KCND2: variants seen among roughly 807,000 people sequenced by gnomAD.
The protein encoded by KCND2 is potassium voltage-gated channel subfamily D member 2, also known as A-type voltage-gated potassium channel KCND2.
In KCND2, 16 loss-of-function variants were observed where a neutral mutation model predicts 54.4. The observed-to-expected ratio is 0.29, with a 90% CI of 0.20 to 0.45. The LOEUF (loss-of-function observed/expected upper bound fraction) is 0.45, where lower values mean the gene tolerates loss of function less well. Ranked by LOEUF, KCND2 falls within the 20% of genes least tolerant of loss-of-function variation. The pLI, the probability that KCND2 is intolerant of heterozygous loss-of-function variation, is 1.00. For synonymous variants in KCND2, 317 were observed against 310.7 expected, an observed-to-expected ratio of 1.02 and a Z score of -0.21; for missense variants, 486 against 824.2, an observed-to-expected ratio of 0.59 and a Z score of 5.02.
At chr7:120,725,821 A>G (rs1792726951) in intron 1 of KCND2, among the ~76,000 whole-genome samples, 1 of 152,156 alleles carries the variant, frequency 6.6e-6, no homozygotes, top group Non-Finnish European at 1.5e-5. Flanking sequence ...TAATTTAATA[A>G]CACCTGTGAA....
chr7:120,597,374 G>A (rs193002909), intron 1 of KCND2, among the ~76,000 whole-genome samples: 1 of 152,086 alleles, frequency 6.6e-6, no homozygotes, highest in Non-Finnish European at 1.5e-5. Context: ...GGAGAAATGG[G>A]TTTAATTTTT....
intron 1 of KCND2, among the ~76,000 whole-genome samples, chr7:120,383,534 GT>G (rs1312094018): frequency 6.6e-6 from 1 of 150,750 alleles, no homozygotes; most frequent in Non-Finnish European, 1.5e-5. Context: ...ATGTTCTAAA[GT>G]TTAGTCAAAA....
intron 1 of KCND2, among the ~76,000 whole-genome samples, chr7:120,660,638 G>A (rs1025079865): frequency 6.6e-6 from 1 of 152,186 alleles, no homozygotes; most frequent in East Asian, 1.9e-4. Flanking sequence ...ATGAATTAAG[G>A]CTTGCTTATG....
intron 1 of KCND2, among the ~76,000 whole-genome samples, chr7:120,525,347 T>A (rs1337178557): frequency 6.6e-6 from 1 of 152,186 alleles, no homozygotes; most frequent in East Asian, 1.9e-4. Flanking sequence ...GCATGCAACT[T>A]ACCCGCTTTG....
chr7:120,538,362 A>G (rs78874049), intron 1 of KCND2, among the ~76,000 whole-genome samples: 1 of 152,208 alleles, frequency 6.6e-6, no homozygotes, highest in African/African-American at 2.4e-5. Context: ...ATAATGAAAA[A>G]GCTTGAAATA....
intron 1 of KCND2, among the ~76,000 whole-genome samples, chr7:120,409,451 ACT>A (rs1405949235): frequency 6.6e-6 from 1 of 151,866 alleles, no homozygotes; most frequent in Non-Finnish European, 1.5e-5. Context: ...CAAATGTTTA[ACT>A]CTATAAGAAG....
chr7:120,716,143 G>A (rs1346805556), intron 1 of KCND2, among the ~76,000 whole-genome samples: 1 of 151,848 alleles, frequency 6.6e-6, no homozygotes, highest in East Asian at 1.9e-4. Context: ...CTTTTGGGAT[G>A]TTTCAATAAG....
chr7:120,320,695 A>T (rs918612467), intron 1 of KCND2, among the ~76,000 whole-genome samples: 33 of 152,108 alleles, frequency 2.2e-4, no homozygotes, highest in Non-Finnish European at 1.5e-5. Flanking sequence ...GAGAGTGAAG[A>T]TGTAGTAAAG....
At chr7:120,482,719 TG>T (rs1284845129) in intron 1 of KCND2, among the ~76,000 whole-genome samples, 1 of 152,118 alleles carries the variant, frequency 6.6e-6, no homozygotes, top group Non-Finnish European at 1.5e-5. Context: ...ACCATGCTCT[TG>T]GATCTCTCAG....
At chr7:120,312,689 T>C (rs1034593907) in intron 1 of KCND2, among the ~76,000 whole-genome samples, 2 of 152,176 alleles carry the variant, frequency 1.3e-5, no homozygotes, top group African/African-American at 4.8e-5. Flanking sequence ...TCAGTAATAG[T>C]TCTAGCTTAG....
intron 1 of KCND2, among the ~76,000 whole-genome samples, chr7:120,490,516 A>C (rs532411169): frequency 1.3e-5 from 2 of 152,130 alleles, no homozygotes; most frequent in Admixed American, 6.6e-5. Context: ...ATATTTTACT[A>C]TATGGACTTT....
At chr7:120,313,741 ATT>A (rs386411129) in intron 1 of KCND2, among the ~76,000 whole-genome samples, 1 of 132,244 alleles carries the variant, frequency 7.6e-6, no homozygotes, top group African/African-American at 2.8e-5. Flanking sequence ...GTCTCCTGGG[ATT>A]TTTTTTTTTT....
intron 1 of KCND2, among the ~76,000 whole-genome samples, chr7:120,696,096 A>G (rs942961185): frequency 1.3e-4 from 20 of 152,348 alleles, no homozygotes; most frequent in African/African-American, 4.6e-4. Flanking sequence ...CAACATTTCT[A>G]TTGCATAAAG....
intron 1 of KCND2, among the ~76,000 whole-genome samples, chr7:120,630,822 T>C (rs111541707): frequency 6.7e-4 from 102 of 152,292 alleles, no homozygotes; most frequent in African/African-American, 2.4e-3. Flanking sequence ...TTTATGTTAA[T>C]GTGAAAATTA....
chr7:120,452,520 G>T (rs888966245), intron 1 of KCND2, among the ~76,000 whole-genome samples: 2 of 152,106 alleles, frequency 1.3e-5, no homozygotes, highest in Non-Finnish European at 2.9e-5. Context: ...GAAGGGGAAG[G>T]GAGCTGGGAA....
intron 1 of KCND2, among the ~76,000 whole-genome samples, chr7:120,278,738 C>T (rs1444098262): frequency 6.6e-6 from 1 of 151,482 alleles, no homozygotes; most frequent in Non-Finnish European, 1.5e-5. Flanking sequence ...ACTATGCTTA[C>T]TGTATAAGTC....
chr7:120,730,609 T>C (rs969430203), intron 1 of KCND2, among the ~76,000 whole-genome samples: 8 of 152,202 alleles, frequency 5.3e-5, no homozygotes, highest in African/African-American at 1.9e-4. Context: ...AAATTAATAC[T>C]GTTATTCTGG....
chr7:120,284,309 G>A (rs914544905), intron 1 of KCND2, among the ~76,000 whole-genome samples: 3 of 151,666 alleles, frequency 2.0e-5, no homozygotes, highest in Admixed American at 6.6e-5. Context: ...ACACACACAC[G>A]CGCGCACACT....
Position 120,317,639 on chromosome 7 carries a change from A to G in KCND2, c.1115+41892A>G, listed in dbSNP as rs527970375. The stretch of plus-strand genomic sequence containing the variant: ...TAGGTTTAGAATACTGCAAAGTACA[A>G]CAAATTGGTTTTCATCCTTATACTT... On this transcript the variant is annotated intron_variant, in intron 1 of 5. Coordinates refer to ENST00000331113, the MANE Select transcript of KCND2 (RefSeq NM_012281.3). Among the ~76,000 whole-genome samples, 7 of 152,322 alleles carry G rather than the reference A, an allele frequency of 4.6e-5. No homozygotes were observed. The South Asian group carries it at 1.0e-3, about 23-fold the overall frequency.
Sources: gnomAD v4.1 joint callset for allele counts (sites outside exome capture counted in the v4.1 genomes callset) on GRCh38, gnomAD v4.1.1 for gene constraint, MANE v1.5 for transcripts, NCBI Gene and HGNC (gene_info 2026-07-23, HGNC 2026-07-21) for gene names.